The following DCTN1 variants were observed in gnomAD, a reference collection of about 807,000 sequenced individuals.
DCTN1 encodes dynactin subunit 1, also known as 150 kDa dynein-associated polypeptide.
In DCTN1, 61 loss-of-function variants were observed where a neutral mutation model predicts 161.2. The ratio of observed to expected loss-of-function variants is 0.38; its 90% confidence interval spans 0.31 to 0.47. The LOEUF is 0.47. Ranked by LOEUF, DCTN1 falls within the 20% of genes least tolerant of loss-of-function variation. The probability of loss-of-function intolerance (pLI) is 0.99; values close to 1 mark genes in which losing one functional copy is unlikely to be tolerated. For synonymous variants in DCTN1, 653 were observed against 632.4 expected (o/e 1.03, Z -0.49); for missense variants, 1,404 against 1,623.7 (o/e 0.86, Z 2.33).
intron 19 of DCTN1, 30 bp downstream of exon 19, chr2:74,367,322 G>A (rs1006381247): frequency 6.2e-7 from 1 of 1,612,460 alleles, no homozygotes; most frequent in Non-Finnish European, 8.5e-7. Context: ...GATCTCCACG[G>A]GGGCTCAATC....
At chr2:74,364,982 G>A in intron 26 of DCTN1, 93 bp downstream of exon 26, 1 of 1,540,750 alleles carries the variant, frequency 6.5e-7, no homozygotes, top group Non-Finnish European at 9.0e-7. Context: ...ATACCCGGGG[G>A]TAAGGGGGGT....
Position 74,365,083 on chromosome 2 carries a change from A to G in DCTN1, c.3188T>C (p.Ile1063Thr). 1 of 1,614,094 alleles carries G rather than the reference A, an allele frequency of 6.2e-7. No individual in the cohort carries two copies. Among genetic ancestry groups the G allele is most frequent in the South Asian group, 1.1e-5 (1 of 91,070 alleles). Residue 1063 changes from isoleucine (I) to threonine (T), a missense_variant, in exon 26 of 32, where the codon ATT becomes ACT. By Grantham distance (89) the Ile-to-Thr change is moderately conservative (BLOSUM62 -1). Transcript: ENST00000628224. ...TATTCCACAGTACTCACCACCAGCA[A>G]TGCCAGAGACCAGAGTAGCAATGCC... Reference protein sequence around the residue: ...PSGIATLVSGIAGEEQQRGAI... With the variant: ...PSGIATLVSGTAGEEQQRGAI...
intron 30 of DCTN1, 52 bp downstream of exon 30, chr2:74,362,598 G>C (rs1185680243): frequency 6.3e-7 from 1 of 1,581,334 alleles, no homozygotes; most frequent in Non-Finnish European, 8.6e-7. Context: ...CAAGTGCCTG[G>C]CTCCACCAGT....
intron 26 of DCTN1, 95 bp downstream of exon 26, chr2:74,364,980 G>T (rs374012118): frequency 8.5e-6 from 13 of 1,524,446 alleles, no homozygotes; most frequent in South Asian, 1.1e-5. Context: ...GAATACCCGG[G>T]GGTAAGGGGG....
At chr2:74,390,361 C>A (rs1675937057) in intron 1 of DCTN1, among the ~76,000 whole-genome samples, 1 of 152,184 alleles carries the variant, frequency 6.6e-6, no homozygotes, top group Non-Finnish European at 1.5e-5. Context: ...TGTATTTCAG[C>A]AACATGAAGA....
In DCTN1 at chr2:74,364,804, C is replaced by T. The variant is rs1395179204; in HGVS notation, c.3196+271G>A. ...GGGCAGAAAGGTCAGATTACAGAGC[C>T]AGAAAGGACATCTACTAGAGACCAA... On this transcript the variant is annotated intron_variant, in intron 26 of 31. Transcript: ENST00000628224. 23 of 500,920 alleles carry T rather than the reference C, an allele frequency of 4.6e-5. 1 individual carries two copies. In the South Asian group the frequency reaches 4.7e-4, roughly 10 times the overall value. 31.0% of individuals were successfully genotyped at this position (500,920 alleles called of 1,614,324 possible).
chr2:74,383,915 T>C (rs1446053928), upstream of DCTN1: 1 of 152,240 alleles, frequency 6.6e-6, no homozygotes, highest in Non-Finnish European at 1.5e-5. Flanking sequence ...ATGGTAGATA[T>C]CATCTTCATT....
rs764699096 is a variant in DCTN1, at chr2:74,366,566, G to T, written c.2521C>A (p.Leu841Met). The T allele has an allele frequency of 6.2e-7, 1 of 1,613,694 alleles. No homozygotes were observed. The highest frequency in any genetic ancestry group is 8.5e-7 in the Non-Finnish European group (1 of 1,180,006). The change falls in exon 22 of 32, where the codon CTG (leucine) becomes ATG (methionine). Residue 841 changes from leucine to methionine, a missense_variant. By Grantham distance (15) the Leu-to-Met change is conservative (BLOSUM62 2). Coordinates refer to ENST00000628224, the MANE Select transcript of DCTN1 (RefSeq NM_004082.5). ...RKHLTWVVAV[L>M]QEVAAAAAQL... is the part of the protein sequence containing the mutation. ...GCAGCAGCAGCTGCCACCTCCTGCA[G>T]CACAGCCACGACCCACGTCAAGTGT...
rs768751440 is a variant in DCTN1 at position 74,369,244 on chromosome 2, G to T, written c.1585-30C>A. On this transcript the variant is annotated intron_variant, in intron 14 of 31. Coordinates refer to ENST00000628224, the MANE Select transcript of DCTN1 (RefSeq NM_004082.5). This position sits in a 1 kb window ranked among gnomAD's most constrained non-coding sequence, Gnocchi z 4.9. The stretch of plus-strand genomic sequence containing the variant: ...GAGGAGAGACAGTGAAGCACAGCTG[G>T]GTCATAAGGAAGCCCTGGGGTGATG... The T allele has an allele frequency of 6.2e-7, 1 of 1,614,138 alleles. No homozygotes were observed. Among genetic ancestry groups the T allele is most frequent in the African/African-American group, 1.3e-5 (1 of 75,030 alleles).
chr2:74,369,070 C>A lies in DCTN1; in HGVS notation c.1701+28G>T. The stretch of plus-strand genomic sequence containing the variant: ...CCATACCAGTTCATCCCAGGCAGGG[C>A]TCCCTCAGACCCACACACTTTCCTG... On this transcript the variant is annotated intron_variant, in intron 15 of 31. Coordinates refer to ENST00000628224, the MANE Select transcript of DCTN1 (RefSeq NM_004082.5). The surrounding 1 kb of genome is among the most constrained non-coding windows in gnomAD (Gnocchi z 4.9). The A allele has an allele frequency of 1.2e-6, 2 of 1,609,042 alleles. No individual in the cohort carries two copies. The highest frequency in any genetic ancestry group is 1.1e-5 in the South Asian group (1 of 90,964).
rs1299345637 is a variant in DCTN1 at position 74,369,661 on chromosome 2, A to T, written c.1393-170T>A. ...AACCCCATCTCTACTAAAAATACAA[A>T]AATTAGCTGGGTATGGTGGCGCATG... On this transcript the variant is annotated intron_variant, in intron 13 of 31. Transcript: ENST00000628224. The surrounding 1 kb of genome is among the most constrained non-coding windows in gnomAD (Gnocchi z 4.9). Among the ~76,000 whole-genome samples the T allele has an allele frequency of 6.6e-6, 1 of 152,066 alleles. No individual in the cohort carries two copies. The highest frequency in any genetic ancestry group is 1.9e-4 in the East Asian group (1 of 5,178).
rs1342063372 is a variant in DCTN1, at chr2:74,377,923, C to T, written c.279+77G>A. The stretch of plus-strand genomic sequence containing the variant: ...AGGCTTATGCCCATGCTCAGGAAAA[C>T]GAAGTACCAACACATCAGCTGCACA... On this transcript the variant is annotated intron_variant, in intron 2 of 31. Transcript: ENST00000628224. 1.5e-5 allele frequency: 24 copies of T among 1,597,364 alleles called. No individual in the cohort carries two copies. The East Asian group carries it at 2.5e-4, about 17-fold the overall frequency.
rs1370477486 is a variant in DCTN1, at chr2:74,365,532, C to A, written c.3012G>T (p.Leu1004=). ...TGCCTGACTTCTCCTTCTTTCGCAG[C>A]AGTGCCTGGGTCTCCTCCAGCCGAG... The part of the protein sequence containing the change: ...VQTRLEETQA[L]LRKKEKEFEE... The change falls in exon 25 of 32, where the codon CTG becomes CTT. Residue 1004 remains leucine, a synonymous_variant. Transcript: ENST00000628224. 5.0e-6 allele frequency: 8 copies of A among 1,614,156 alleles called. No individual in the cohort carries two copies. Among genetic ancestry groups the A allele is most frequent in the Admixed American group, 1.7e-5 (1 of 60,030 alleles).
At chr2:74,388,156 C>T (rs1001897844) in intron 1 of DCTN1, among the ~76,000 whole-genome samples, 1 of 152,072 alleles carries the variant, frequency 6.6e-6, no homozygotes, top group African/African-American at 2.4e-5. Context: ...AAAATCTCAC[C>T]ACCACACTCC....
chr2:74,391,730 G>C (rs1676011093), intron 1 of DCTN1: 1 of 447,972 alleles, frequency 2.2e-6, no homozygotes, highest in Admixed American at 2.4e-5. Flanking sequence ...GCCCACCGCC[G>C]GCAACCTCAC....
At chr2:74,376,691 G>C in intron 5 of DCTN1, 51 bp downstream of exon 5, 1 of 1,557,430 alleles carries the variant, frequency 6.4e-7, no homozygotes, top group Non-Finnish European at 8.8e-7. Context: ...GACAGCTGGG[G>C]AAGGGGCTCA....
At chr2:74,385,852 A>C (rs1675702734) in intron 1 of DCTN1, 1 of 152,210 alleles carries the variant, frequency 6.6e-6, no homozygotes, top group South Asian at 2.1e-4. Flanking sequence ...ACACAAACTG[A>C]GAAAACACAT....
Position 74,369,999 on chromosome 2 carries a change from T to A in DCTN1, c.1358A>T (p.Lys453Ile), listed in dbSNP as rs764392838. Residue 453 changes from lysine to isoleucine, a missense_variant, in exon 13 of 32, where the codon AAA (lysine) becomes ATA (isoleucine). By Grantham distance (102) the Lys-to-Ile change is moderately radical. Coordinates refer to ENST00000628224, the MANE Select transcript of DCTN1 (RefSeq NM_004082.5). This position sits in a 1 kb window ranked among gnomAD's most constrained non-coding sequence, Gnocchi z 4.9. Reference protein sequence around the residue: ...LTDRNLNLEEKVRELRETVGD... With the variant: ...LTDRNLNLEEIVRELRETVGD... ...CACAGTCTCCCTCAACTCGCGCACT[T>A]TCTCTTCCAGATTCAGGTTCCGATC... The A allele has an allele frequency of 3.7e-6, 6 of 1,614,168 alleles. No homozygotes were observed. Among genetic ancestry groups the A allele is most frequent in the Non-Finnish European group, 2.5e-6 (3 of 1,180,038 alleles).
chr2:74,379,897 T>C (rs1033733411), intron 1 of DCTN1, 108 bp downstream of exon 1: 5 of 1,179,786 alleles, frequency 4.2e-6, no homozygotes, highest in Non-Finnish European at 5.0e-6. Context: ...CTGAGTGCCC[T>C]CAGCTGAGCT....
Sources: gnomAD v4.1 joint callset for allele counts (sites outside exome capture counted in the v4.1 genomes callset) on GRCh38, gnomAD v4.1.1 for gene constraint, Gnocchi (gnomAD v3.1) non-coding constraint, MANE v1.5 for transcripts, NCBI Gene and HGNC (gene_info 2026-07-23, HGNC 2026-07-21) for gene names.